HDAC11: variants seen among roughly 807,000 people sequenced by gnomAD.
HDAC11 encodes histone deacetylase 11.
A neutral mutation model predicts 41.1 loss-of-function variants in HDAC11; 23 were observed. The ratio of observed to expected loss-of-function variants is 0.56; its 90% CI spans 0.40 to 0.79. The LOEUF is 0.79. HDAC11 is among the 30% of genes least tolerant of loss of function. HDAC11 has a pLI of 0.00. For missense variants in HDAC11, 402 were observed against 477.3 expected (o/e 0.84, Z 1.47); for synonymous variants, 187 against 186.6 (o/e 1.00, Z -0.02).
intron 3 of HDAC11, among the ~76,000 whole-genome samples, chr3:13,490,754 T>TC (rs1166319692): frequency 1.5e-5 from 2 of 134,696 alleles, no homozygotes; most frequent in East Asian, 2.1e-4. Context: ...CTTTTTTTTT[T>TC]TTTTTTTTTT....
At chr3:13,499,341 G>T (rs1702249062) in intron 5 of HDAC11, among the ~76,000 whole-genome samples, 1 of 152,092 alleles carries the variant, frequency 6.6e-6, no homozygotes, top group Admixed American at 6.5e-5. Flanking sequence ...GGCTAATTTT[G>T]TATTTTTAGT....
chr3:13,499,537 G>A (rs1218065053), intron 5 of HDAC11, among the ~76,000 whole-genome samples: 8 of 152,182 alleles, frequency 5.3e-5, no homozygotes, highest in Non-Finnish European at 1.0e-4. Context: ...TGAGGAAATG[G>A]CCATGGAAAG....
In HDAC11 at chr3:13,498,498, T is replaced by C. The variant is rs536071221; in HGVS notation, c.370-15T>C. 13 of 1,613,936 alleles carry C rather than the reference T, an allele frequency of 8.1e-6. No homozygotes were observed. The South Asian group carries it at 1.3e-4, about 16-fold the overall frequency. On this transcript the variant is annotated splice_polypyrimidine_tract_variant and intron_variant, in intron 4 of 9. Coordinates refer to ENST00000295757, the MANE Select transcript of HDAC11 (RefSeq NM_024827.4). The stretch of plus-strand genomic sequence containing the variant: ...CGGCTGCCTGCGCCCCCTCACCCTC[T>C]GCTTGTCTCCAAAGGCGGGGAAGCT...
chr3:13,504,194 G>T lies in HDAC11; in HGVS notation c.750G>T (p.Leu250=), dbSNP rs189471213. ...RNIKKSLQEH[L]PDVVVYNAGT... is the part of the protein sequence containing the mutation. ...TCAAGAAATCCCTCCAGGAGCACCT[G>T]CCCGACGTGGTGGTATACAATGCAG... Residue 250 remains leucine (L), a synonymous_variant, in exon 9 of 10, where the codon CTG becomes CTT. Transcript: ENST00000295757. The T allele has an allele frequency of 1.2e-6, 2 of 1,613,986 alleles. No individual in the cohort carries two copies. Among genetic ancestry groups the T allele is most frequent in the Non-Finnish European group, 1.7e-6 (2 of 1,180,030 alleles).
rs968169300 is a variant in HDAC11 at position 13,505,616 on chromosome 3, G to A, written c.*933G>A. 5.9e-5 allele frequency: 9 copies of A among 152,476 alleles called. No individual in the cohort carries two copies. Among genetic ancestry groups the A allele is most frequent in the Non-Finnish European group, 1.2e-4 (8 of 68,222 alleles). 9.4% of individuals were successfully genotyped at this position (152,476 alleles called of 1,614,324 possible). ...GGTCCTGCAGGAACCCAGGCCCAGG[G>A]AGGGACCCAGACACTGGTGAGGCGG... On this transcript the variant is annotated 3_prime_UTR_variant, in exon 10 of 10. Transcript: ENST00000295757.
At chr3:13,488,650 AT>A (rs1011463499) in intron 3 of HDAC11, among the ~76,000 whole-genome samples, 1 of 151,978 alleles carries the variant, frequency 6.6e-6, no homozygotes, top group African/African-American at 2.4e-5. Flanking sequence ...AAAACACTAC[AT>A]TTTTTTTATC....
At chr3:13,503,112 C>G (rs1702449956) in intron 8 of HDAC11, 132 bp downstream of exon 8, 2 of 623,684 alleles carry the variant, frequency 3.2e-6, no homozygotes, top group Non-Finnish European at 5.6e-6. Context: ...GTGATCCTTT[C>G]CATTTTACAG....
chr3:13,488,281 CAA>C (rs1277260435), intron 3 of HDAC11, among the ~76,000 whole-genome samples: 11 of 152,068 alleles, frequency 7.2e-5, no homozygotes, highest in Non-Finnish European at 1.6e-4. Context: ...ATTTACATAA[CAA>C]AATTCGCCAT....
intron 8 of HDAC11, 75 bp from the exon 9 acceptor site, chr3:13,504,019 C>T (rs984587242): frequency 3.8e-5 from 53 of 1,387,652 alleles, no homozygotes; most frequent in Non-Finnish European, 5.0e-5. Context: ...CCAGTCTTGC[C>T]TGGTGTCCAC....
At position 13,506,315 on chromosome 3, in the gene HDAC11, A is replaced by C. The variant is rs1025158629; in HGVS notation, c.*1632A>C. ...GCTGCTGTGTGTGCTGGAGGCAAAG[A>C]ATCCCTACCTCCTAGGGGTGAAAGG... On this transcript the variant is annotated 3_prime_UTR_variant, in exon 10 of 10. Transcript: ENST00000295757. 5.3e-5 allele frequency: 8 copies of C among 152,230 alleles called. No individual in the cohort carries two copies. Among genetic ancestry groups the C allele is most frequent in the African/African-American group, 1.9e-4 (8 of 41,438 alleles). 9.4% of individuals were successfully genotyped at this position (152,230 alleles called of 1,614,324 possible). A position where few individuals can be genotyped will look rare whatever the true frequency, so the allele number is the denominator to read the frequency against.
In HDAC11 at chr3:13,501,859, C is replaced by T; in HGVS notation, c.490-12C>T. The stretch of plus-strand genomic sequence containing the variant: ...CCCCAGATCCTCATGTCTACCCTCT[C>T]CTCCCTGGCAGTTTCTGTTTGAGCG... On this transcript the variant is annotated splice_polypyrimidine_tract_variant and intron_variant, in intron 6 of 9. Coordinates refer to ENST00000295757, the MANE Select transcript of HDAC11 (RefSeq NM_024827.4). 1 of 1,613,648 alleles carries T rather than the reference C, an allele frequency of 6.2e-7. No homozygotes were observed. Among genetic ancestry groups the T allele is most frequent in the Non-Finnish European group, 8.5e-7 (1 of 1,179,630 alleles).
At chr3:13,500,683 T>A (rs1279535461) in intron 5 of HDAC11, 30 bp from the exon 6 acceptor site, 1 of 1,556,984 alleles carries the variant, frequency 6.4e-7, no homozygotes, top group African/African-American at 1.3e-5. Context: ...AGCCTGGCTC[T>A]GAGCAGCACC....
chr3:13,494,103 G>A (rs942527135), intron 3 of HDAC11, among the ~76,000 whole-genome samples: 26 of 152,260 alleles, frequency 1.7e-4, no homozygotes, highest in Admixed American at 6.5e-4. Flanking sequence ...ACGACTTGCC[G>A]GTGGAAGCCT....
chr3:13,504,178 C>A lies in HDAC11; in HGVS notation c.734C>A (p.Ser245Tyr). The A allele has an allele frequency of 6.2e-7, 1 of 1,614,070 alleles. No homozygotes were observed. Among genetic ancestry groups the A allele is most frequent in the Non-Finnish European group, 8.5e-7 (1 of 1,180,022 alleles). The change falls in exon 9 of 10, where the codon TCC becomes TAC. Residue 245 changes from serine to tyrosine, a missense_variant. Physicochemically the swap from Ser to Tyr is moderately radical, Grantham distance 144. Transcript: ENST00000295757. ...AAGGTGGAGAGGAACATCAAGAAATCCCTCCAGGAGCACCTGCCCGACGTG... is the reference window on the plus strand; with the variant it reads ...AAGGTGGAGAGGAACATCAAGAAATACCTCCAGGAGCACCTGCCCGACGTG... Reference protein sequence around the residue: ...LDKVERNIKKSLQEHLPDVVV... With the variant: ...LDKVERNIKKYLQEHLPDVVV...
chr3:13,504,425 G>T (rs773579938), intron 9 of HDAC11, 43 bp from the exon 10 acceptor site: 54 of 1,604,952 alleles, frequency 3.4e-5, no homozygotes, highest in Middle Eastern at 1.7e-4. Flanking sequence ...CTGACACCAT[G>T]GGGGTCTGGC....
chr3:13,486,537 T>TAAACA (rs1465167179), intron 3 of HDAC11, among the ~76,000 whole-genome samples: 1 of 145,354 alleles, frequency 6.9e-6, no homozygotes, highest in Non-Finnish European at 1.5e-5. Flanking sequence ...GAGTTGAGAC[T>TAAACA]AAACAAAGGA....
rs1702376860 is a variant in HDAC11, at chr3:13,501,776, C to T, written c.490-95C>T. On this transcript the variant is annotated intron_variant, in intron 6 of 9. Transcript: ENST00000295757. ...CTGATTACCCACAAGCATTAGGCCC[C>T]CCTCCCCGCCCCTCGCCAGCCAGCT... is the stretch of plus-strand genomic sequence containing the variant. The T allele has an allele frequency of 1.5e-5, 17 of 1,119,652 alleles. No individual in the cohort carries two copies. In the South Asian group the frequency reaches 2.1e-4, roughly 14 times the overall value. 69.4% of individuals were successfully genotyped at this position (1,119,652 alleles called of 1,614,324 possible).
chr3:13,504,399 C>A (rs1702516482), intron 9 of HDAC11, 69 bp from the exon 10 acceptor site: 1 of 1,596,706 alleles, frequency 6.3e-7, no homozygotes, highest in African/African-American at 1.3e-5. Flanking sequence ...CAGGGCTAGC[C>A]CTGCAGCAGG....
chr3:13,485,430 A>C (rs1701513555), intron 3 of HDAC11, among the ~76,000 whole-genome samples: 1 of 152,062 alleles, frequency 6.6e-6, no homozygotes, highest in Non-Finnish European at 1.5e-5. Flanking sequence ...GGGTGAGGGG[A>C]AGGAAGGGAC....
Sources: gnomAD v4.1 joint callset for allele counts (sites outside exome capture counted in the v4.1 genomes callset) on GRCh38, gnomAD v4.1.1 for gene constraint, MANE v1.5 for transcripts, NCBI Gene and HGNC (gene_info 2026-07-23, HGNC 2026-07-21) for gene names.